CAPN11: variants seen among roughly 807,000 people sequenced by gnomAD.
The protein encoded by CAPN11 is calpain-11.
In CAPN11, 108 loss-of-function variants were observed where a neutral mutation model predicts 105.3. The ratio of observed to expected loss-of-function variants is 1.03; its 90% CI spans 0.88 to 1.20. The LOEUF is 1.20. Ranked by LOEUF, CAPN11 falls within the 50% of genes most tolerant of loss-of-function variation. The pLI, the probability that CAPN11 is intolerant of heterozygous loss-of-function variation, is 0.00. For missense variants in CAPN11, 883 were observed against 924.8 expected, an observed-to-expected ratio of 0.95 and a Z score of 0.59; for synonymous variants, 329 against 344.5, an observed-to-expected ratio of 0.96 and a Z score of 0.50.
At chr6:44,167,570 G>A (rs1770172641) in intron 2 of CAPN11, among the ~76,000 whole-genome samples, 1 of 139,326 alleles carries the variant, frequency 7.2e-6, no homozygotes, top group Non-Finnish European at 1.5e-5. Flanking sequence ...AAAAAAAACA[G>A]CTTTATTGAG....
rs1451265000 is a variant in CAPN11, at chr6:44,166,950, CG to C, written c.88+127del. On this transcript the variant is annotated intron_variant, in intron 2 of 22. Coordinates refer to ENST00000398776, the MANE Select transcript of CAPN11 (RefSeq NM_007058.4). ...CAGTCATGTTGTGTGGGGAGGGCGGCGGGGGGAGGGGAGGCTACCCTCAGGA... is the reference window on the plus strand; with the variant it reads ...CAGTCATGTTGTGTGGGGAGGGCGGCGGGGGAGGGGAGGCTACCCTCAGGA... 4.0e-5 allele frequency: 9 copies of C among 227,546 alleles called. No homozygotes were observed. In the East Asian group the frequency reaches 4.9e-4, roughly 12 times the overall value. 14.1% of individuals were successfully genotyped at this position (227,546 alleles called of 1,614,324 possible).
chr6:44,177,056 C>G, intron 11 of CAPN11, 58 bp downstream of exon 11: 1 of 1,574,856 alleles, frequency 6.3e-7, no homozygotes, highest in African/African-American at 1.3e-5. Context: ...GGCCACGGCT[C>G]ACCACGAAAC....
At chr6:44,173,660 G>A (rs1461135650) in intron 7 of CAPN11, among the ~76,000 whole-genome samples, 3 of 151,356 alleles carry the variant, frequency 2.0e-5, no homozygotes, top group Non-Finnish European at 4.4e-5. Flanking sequence ...TCGGCTCACT[G>A]CAACCTCCAC....
Position 44,170,096 on chromosome 6 carries a change from C to T in CAPN11, c.409+121C>T, listed in dbSNP as rs76813039. On this transcript the variant is annotated intron_variant, in intron 4 of 22. Transcript: ENST00000398776. ...AGGTCAGACAGCCTGCTTCTGTTCCCCTGTCCCTCCCCTTCTGAGGAGATG... is the reference window on the plus strand; with the variant it reads ...AGGTCAGACAGCCTGCTTCTGTTCCTCTGTCCCTCCCCTTCTGAGGAGATG... 6,679 of 723,726 alleles carry T rather than the reference C, an allele frequency of 9.2e-3. 44 individuals are homozygous for T. The highest frequency in any genetic ancestry group is 0.013 in the Non-Finnish European group (5,168 of 410,222). The allele number at this position is 723,726 out of a possible 1,614,324, so 44.8% of individuals were successfully genotyped here. A position where few individuals can be genotyped will look rare whatever the true frequency, so the allele number is the denominator to read the frequency against.
In CAPN11 at chr6:44,173,357, C is replaced by T. The variant is rs968005493; in HGVS notation, c.802C>T (p.Arg268Ter). The T allele has an allele frequency of 2.1e-5, 34 of 1,612,608 alleles. No individual in the cohort carries two copies. The highest frequency in any genetic ancestry group is 9.3e-5 in the African/African-American group (7 of 74,890). The part of the protein sequence containing the change: ...LLRLLRKAVE[R>*]SSLMGCSIEV... Reference sequence around the variant, plus strand: ...CAGGCTCCTTAGGAAGGCCGTGGAGCGATCCTCCCTCATGGGTTGCTCCAT... The same window carrying T: ...CAGGCTCCTTAGGAAGGCCGTGGAGTGATCCTCCCTCATGGGTTGCTCCAT... Residue 268 changes from arginine (R) to a stop codon, truncating the protein, a stop_gained, in exon 7 of 23, where the codon CGA becomes TGA. Coordinates refer to ENST00000398776, the MANE Select transcript of CAPN11 (RefSeq NM_007058.4). LOFTEE classifies it high-confidence loss of function.
At position 44,177,300 on chromosome 6, in the gene CAPN11, G is replaced by T; in HGVS notation, c.1296G>T (p.Glu432Asp). The change falls in exon 12 of 23, where the codon GAG (glutamate) becomes GAT (aspartate). Residue 432 changes from glutamate to aspartate, a missense_variant. Transcript: ENST00000398776. ...CTCTTCCTGAGGGGGATGACCCAGA[G>T]GATGACGCAGAGGGCAATGTTGTGG... is the stretch of plus-strand genomic sequence containing the variant. ...KISLPEGDDP[E>D]DDAEGNVVVC... 7 of 1,613,360 alleles carry T rather than the reference G, an allele frequency of 4.3e-6. No homozygotes were observed. Among genetic ancestry groups the T allele is most frequent in the Non-Finnish European group, 5.9e-6 (7 of 1,179,630 alleles).
chr6:44,169,179 C>T (rs1344096663), intron 2 of CAPN11, 102 bp from the exon 3 acceptor site: 2 of 1,269,858 alleles, frequency 1.6e-6, no homozygotes, highest in African/African-American at 1.5e-5. Flanking sequence ...AGAGATCCTC[C>T]CACCTCAGCC....
At chr6:44,166,182 GA>G (rs1769812056) in intron 1 of CAPN11, among the ~76,000 whole-genome samples, 1 of 152,084 alleles carries the variant, frequency 6.6e-6, no homozygotes, top group Admixed American at 6.5e-5. Context: ...GAGGAAGGGG[GA>G]TAAGTTCAGC....
rs762328727 is a variant in CAPN11, at chr6:44,183,001, C to A, written c.1999C>A (p.Leu667Met). The A allele has an allele frequency of 8.7e-6, 14 of 1,612,538 alleles. No individual in the cohort carries two copies. Among genetic ancestry groups the A allele is most frequent in the Admixed American group, 1.7e-5 (1 of 59,794 alleles). Residue 667 changes from leucine to methionine, a missense_variant, in exon 20 of 23, where the codon CTG (leucine) becomes ATG (methionine). By Grantham distance (15) the Leu-to-Met change is conservative. Coordinates refer to ENST00000398776, the MANE Select transcript of CAPN11 (RefSeq NM_007058.4). The part of the protein sequence containing the change: ...SGTLNSYEMR[L>M]VIEKAGIKLN... Reference sequence around the variant, plus strand: ...CACCTTGAACTCCTATGAGATGCGCCTGGTTATTGAGAAAGCAGGTGGCCA... The same window carrying A: ...CACCTTGAACTCCTATGAGATGCGCATGGTTATTGAGAAAGCAGGTGGCCA...
intron 12 of CAPN11, 93 bp from the exon 13 acceptor site, chr6:44,179,523 CACA>C: frequency 9.0e-7 from 1 of 1,113,650 alleles, no homozygotes; most frequent in Non-Finnish European, 1.4e-6. Context: ...AACACACACA[CACA>C]GACACACACT....
At chr6:44,162,294 A>T (rs1768989823) in intron 1 of CAPN11, among the ~76,000 whole-genome samples, 1 of 149,232 alleles carries the variant, frequency 6.7e-6, no homozygotes, top group Admixed American at 6.7e-5. Context: ...TTCCCTCGGA[A>T]CCCTCTTCAT....
In CAPN11 at chr6:44,172,288, G is replaced by A; in HGVS notation, c.410-14G>A. On this transcript the variant is annotated splice_polypyrimidine_tract_variant and intron_variant, in intron 4 of 22. Coordinates refer to ENST00000398776, the MANE Select transcript of CAPN11 (RefSeq NM_007058.4). ...GGTTGCTCAGGGGTGGCAAAGCCCT[G>A]CCTGTCTTTCCAGGGGACTGCTGGC... 1 of 1,542,450 alleles carries A rather than the reference G, an allele frequency of 6.5e-7. No homozygotes were observed. Among genetic ancestry groups the A allele is most frequent in the South Asian group, 1.2e-5 (1 of 83,654 alleles).
In CAPN11 at chr6:44,176,133, T is replaced by C. The variant is rs746841411; in HGVS notation, c.897T>C (p.Ser299=). The stretch of plus-strand genomic sequence containing the variant: ...TGCTGGTGAGAGGGCACGCTTACTC[T>C]GTGACTGGCCTTCAGGATGTGAGTC... ...DKMLVRGHAY[S]VTGLQDVHYR... is the part of the protein sequence containing the mutation. Residue 299 remains serine (S), a synonymous_variant, in exon 8 of 23, where the codon TCT becomes TCC. Coordinates refer to ENST00000398776, the MANE Select transcript of CAPN11 (RefSeq NM_007058.4). The C allele has an allele frequency of 6.2e-6, 10 of 1,612,982 alleles. No homozygotes were observed. Among genetic ancestry groups the C allele is most frequent in the African/African-American group, 1.3e-5 (1 of 74,882 alleles).
chr6:44,177,441 G>C (rs571456466), intron 12 of CAPN11, 21 bp downstream of exon 12: 12 of 1,584,296 alleles, frequency 7.6e-6, no homozygotes, highest in East Asian at 2.3e-5. Context: ...GGCTGGTCTC[G>C]CCCGCCACTC....
chr6:44,164,163 C>G (rs2128292548), intron 1 of CAPN11, among the ~76,000 whole-genome samples: 1 of 152,222 alleles, frequency 6.6e-6, no homozygotes, highest in Non-Finnish European at 1.5e-5. Context: ...CAGGGTGAGA[C>G]TCTGTCTCAA....
At chr6:44,179,319 G>A (rs1410187989) in intron 12 of CAPN11, among the ~76,000 whole-genome samples, 1 of 98,990 alleles carries the variant, frequency 1.0e-5, no homozygotes, top group Non-Finnish European at 2.2e-5. Flanking sequence ...TTTTTTTTTT[G>A]AGACAGGGTC....
chr6:44,160,287 T>C (rs1349453586), intron 1 of CAPN11, among the ~76,000 whole-genome samples: 4 of 152,226 alleles, frequency 2.6e-5, no homozygotes, highest in South Asian at 2.1e-4. Context: ...ACAACAGATA[T>C]ATACTTTTTT....
intron 1 of CAPN11, among the ~76,000 whole-genome samples, chr6:44,162,742 A>G (rs1216214411): frequency 1.3e-5 from 2 of 152,124 alleles, no homozygotes; most frequent in African/African-American, 2.4e-5. Context: ...TTTGCGGCCC[A>G]TGGAGCTGAA....
At chr6:44,181,925 C>G (rs866126550) in intron 19 of CAPN11, among the ~76,000 whole-genome samples, 727 of 112,956 alleles carry the variant, frequency 6.4e-3, no homozygotes, top group East Asian at 0.046. Flanking sequence ...CACATACACA[C>G]TCACATACAG....
Sources: gnomAD v4.1 joint callset for allele counts (sites outside exome capture counted in the v4.1 genomes callset) on GRCh38, gnomAD v4.1.1 for gene constraint, MANE v1.5 for transcripts, NCBI Gene and HGNC (gene_info 2026-07-23, HGNC 2026-07-21) for gene names.